Variants in TRIQK observed in about 807,000 individuals in gnomAD.
TRIQK encodes triple QxxK/R motif-containing protein.
Under a neutral mutation model 10.8 loss-of-function variants are expected in TRIQK, and 10 were observed. The ratio of observed to expected loss-of-function variants is 0.92; its 90% CI spans 0.57 to 1.57. The LOEUF (loss-of-function observed/expected upper bound fraction) is 1.57, where lower values mean the gene tolerates loss of function less well. Among genes scored for constraint, TRIQK ranks in the 40% most tolerant of loss-of-function variants. TRIQK has a pLI of 0.00. For synonymous variants in TRIQK, 33 were observed against 33.7 expected (o/e 0.98, Z 0.07); for missense variants, 107 against 97.7 (o/e 1.09, Z -0.40).
At chr8:92,987,567 C>G (rs1490219006) in intron 1 of TRIQK, among the ~76,000 whole-genome samples, 2 of 152,002 alleles carry the variant, frequency 1.3e-5, no homozygotes, top group Non-Finnish European at 2.9e-5. Flanking sequence ...TAAGAAGCAG[C>G]TTAGTTTATT....
intron 1 of TRIQK, among the ~76,000 whole-genome samples, chr8:92,972,063 C>T (rs1812882158): frequency 6.6e-6 from 1 of 152,132 alleles, no homozygotes; most frequent in African/African-American, 2.4e-5. Context: ...AGAATATTTG[C>T]CTGATATTAA....
At chr8:92,946,492 T>G (rs1811538289) in intron 2 of TRIQK, among the ~76,000 whole-genome samples, 1 of 152,090 alleles carries the variant, frequency 6.6e-6, no homozygotes, top group African/African-American at 2.4e-5. Flanking sequence ...AATAAGGCAT[T>G]TAAAAATGAA....
chr8:92,910,877 G>A (rs969284095), intron 3 of TRIQK, among the ~76,000 whole-genome samples: 7 of 151,176 alleles, frequency 4.6e-5, no homozygotes, highest in Non-Finnish European at 1.5e-5. Context: ...TAGTCTTGGG[G>A]TATTTTAATT....
intron 3 of TRIQK, among the ~76,000 whole-genome samples, chr8:92,902,699 T>C (rs2130355466): frequency 6.6e-6 from 1 of 152,248 alleles, no homozygotes; most frequent in Admixed American, 6.5e-5. Flanking sequence ...ATTTAAGTAA[T>C]TTTATAAAAT....
At chr8:92,930,641 T>C (rs1269358112) in intron 2 of TRIQK, among the ~76,000 whole-genome samples, 1 of 152,082 alleles carries the variant, frequency 6.6e-6, no homozygotes, top group Non-Finnish European at 1.5e-5. Context: ...TCAGGGATTC[T>C]GAGGTTCACA....
intron 1 of TRIQK, among the ~76,000 whole-genome samples, chr8:92,992,008 C>T (rs1220692198): frequency 6.6e-6 from 1 of 152,066 alleles, no homozygotes; most frequent in South Asian, 2.1e-4. Context: ...TAAAAGAGGA[C>T]ACAAACAAAT....
intron 2 of TRIQK, among the ~76,000 whole-genome samples, chr8:92,918,891 T>A (rs1013000615): frequency 3.3e-5 from 5 of 151,936 alleles, no homozygotes; most frequent in African/African-American, 1.2e-4. Context: ...TTTGAGTTGA[T>A]TTTTGTATAT....
At chr8:92,894,148 T>G (rs888231376) in intron 3 of TRIQK, among the ~76,000 whole-genome samples, 1 of 152,120 alleles carries the variant, frequency 6.6e-6, no homozygotes, top group African/African-American at 2.4e-5. Context: ...AAGACAGTAT[T>G]AAAAGTTATT....
At chr8:93,007,214 G>C (rs1463033915) in intron 1 of TRIQK, among the ~76,000 whole-genome samples, 2 of 152,242 alleles carry the variant, frequency 1.3e-5, no homozygotes, top group Non-Finnish European at 2.9e-5. Flanking sequence ...GAGGGGCCCA[G>C]ACGAATAGGA....
chr8:92,994,364 GTCTA>G (rs1375733638), intron 1 of TRIQK, among the ~76,000 whole-genome samples: 1 of 150,752 alleles, frequency 6.6e-6, no homozygotes, highest in Non-Finnish European at 1.5e-5. Flanking sequence ...TATCCCTAGT[GTCTA>G]TCTGCTTACT....
intron 3 of TRIQK, among the ~76,000 whole-genome samples, chr8:92,905,325 T>A (rs1014537776): frequency 4.6e-5 from 7 of 152,158 alleles, no homozygotes; most frequent in Admixed American, 4.6e-4. Context: ...AAGCAAATTT[T>A]ATAACAATAT....
At chr8:92,910,528 A>G (rs950684537) in intron 3 of TRIQK, among the ~76,000 whole-genome samples, 10 of 151,298 alleles carry the variant, frequency 6.6e-5, no homozygotes, top group African/African-American at 2.4e-4. Context: ...TTTAATTCAT[A>G]GTAAATTATA....
chr8:92,899,715 A>G (rs1378346988), intron 3 of TRIQK, among the ~76,000 whole-genome samples: 1 of 152,132 alleles, frequency 6.6e-6, no homozygotes, highest in African/African-American at 2.4e-5. Context: ...TAAACGTAGG[A>G]GTGTAGATAT....
At chr8:92,949,796 AAGAAAGAAAGAAAGAAAG>A (rs1269060790) in intron 2 of TRIQK, among the ~76,000 whole-genome samples, 9 of 88,790 alleles carry the variant, frequency 1.0e-4, no homozygotes, top group Non-Finnish European at 7.1e-5. Context: ...GAAAGAAAGA[AAGAAAGAAAGAAAGAAAG>A]AAAGAAAGAA....
intron 4 of TRIQK, 79 bp from the exon 5 acceptor site, chr8:92,886,814 C>G: frequency 2.6e-6 from 2 of 766,614 alleles, no homozygotes; most frequent in Non-Finnish European, 4.4e-6. Flanking sequence ...GATAAAATAA[C>G]CATATTGTTC....
At chr8:92,905,237 C>G (rs1356059592) in intron 3 of TRIQK, among the ~76,000 whole-genome samples, 1 of 151,832 alleles carries the variant, frequency 6.6e-6, no homozygotes, top group African/African-American at 2.4e-5. Context: ...TAATGGAAAG[C>G]CATAAAGCAC....
intron 2 of TRIQK, among the ~76,000 whole-genome samples, chr8:92,919,838 T>C (rs1316264877): frequency 6.6e-6 from 1 of 151,874 alleles, no homozygotes; most frequent in Non-Finnish European, 1.5e-5. Context: ...TGTTCAACTA[T>C]TCTGTCTTGT....
intron 3 of TRIQK, among the ~76,000 whole-genome samples, chr8:92,896,447 T>C (rs1046259772): frequency 6.6e-6 from 1 of 151,596 alleles, no homozygotes; most frequent in African/African-American, 2.4e-5. Flanking sequence ...GGGCAATGCC[T>C]AGTGAAGCCA....
chr8:93,013,460 G>C (rs1813356574), intron 1 of TRIQK, among the ~76,000 whole-genome samples: 1 of 152,138 alleles, frequency 6.6e-6, no homozygotes, highest in Non-Finnish European at 1.5e-5. Flanking sequence ...GGACAATGCA[G>C]AAGAGAGGTT....
Sources: allele counts gnomAD v4.1 joint callset (sites outside exome capture counted in the v4.1 genomes callset), GRCh38; gene constraint gnomAD v4.1.1; transcripts MANE v1.5; gene names NCBI Gene and HGNC (gene_info 2026-07-23, HGNC 2026-07-21).